The following MEIS2 variants were observed in gnomAD, a reference collection of about 807,000 sequenced individuals.
The protein encoded by MEIS2 is Meis homeobox 2.
A neutral mutation model predicts 58.6 loss-of-function variants in MEIS2; 9 were observed. The ratio of observed to expected loss-of-function variants is 0.15; its 90% CI spans 0.09 to 0.27. The LOEUF is 0.27. Ranked by LOEUF, MEIS2 falls within the 10% of genes least tolerant of loss-of-function variation. The pLI, the probability that MEIS2 is intolerant of heterozygous loss-of-function variation, is 1.00. For missense variants in MEIS2, 427 were observed against 635.0 expected, an observed-to-expected ratio of 0.67 and a Z score of 3.52; for synonymous variants, 221 against 228.4, an observed-to-expected ratio of 0.97 and a Z score of 0.29.
chr15:36,955,500 A>C (rs1037951546), intron 8 of MEIS2, among the ~76,000 whole-genome samples: 3 of 152,208 alleles, frequency 2.0e-5, no homozygotes, highest in African/African-American at 2.4e-5. Context: ...TGTTACTTTA[A>C]ACAAGACTGT....
intron 3 of MEIS2, 172 bp downstream of exon 3, chr15:37,096,117 C>A (rs1894205115): frequency 1.5e-6 from 1 of 657,260 alleles, no homozygotes; most frequent in Non-Finnish European, 2.5e-6. Context: ...ATATTTATCT[C>A]CACTTCCAAT....
intron 7 of MEIS2, 64 bp downstream of exon 7, chr15:37,083,704 TATC>T (rs1892532794): frequency 1.5e-6 from 2 of 1,310,736 alleles, no homozygotes; most frequent in Admixed American, 1.8e-5. Flanking sequence ...GATGTACTGA[TATC>T]ATAAAATACT....
At position 37,033,812 on chromosome 15, in the gene MEIS2, G is replaced by C. The variant is rs558197284; in HGVS notation, c.900+3002C>G. On this transcript the variant is annotated intron_variant, in intron 8 of 11. Coordinates refer to ENST00000561208, the MANE Select transcript of MEIS2 (RefSeq NM_170675.5). ...TCTCTATTCTTGGTTTCTGAGCTCAGAATTACAGCTGAGTAAATCTTTCAG... is the reference window on the plus strand; with the variant it reads ...TCTCTATTCTTGGTTTCTGAGCTCACAATTACAGCTGAGTAAATCTTTCAG... Among the ~76,000 whole-genome samples, 9 of 152,302 alleles carry C rather than the reference G, an allele frequency of 5.9e-5. No homozygotes were observed. In the South Asian group the frequency reaches 1.9e-3, roughly 32 times the overall value.
At chr15:36,997,517 T>C (rs976791543) in intron 8 of MEIS2, among the ~76,000 whole-genome samples, 37 of 150,742 alleles carry the variant, frequency 2.5e-4, no homozygotes, top group Admixed American at 2.1e-3. Flanking sequence ...GACAGAATCT[T>C]GCTCTGTTGC....
chr15:36,954,373 T>C (rs2058877646), intron 8 of MEIS2, among the ~76,000 whole-genome samples: 1 of 150,522 alleles, frequency 6.6e-6, no homozygotes, highest in Non-Finnish European at 1.5e-5. Context: ...TTTTTGTTTA[T>C]ATACTCCTAT....
chr15:37,049,176 C>T (rs1448867582), intron 7 of MEIS2, among the ~76,000 whole-genome samples: 3 of 152,092 alleles, frequency 2.0e-5, no homozygotes, highest in African/African-American at 7.2e-5. Flanking sequence ...CCTAGAGAAA[C>T]AAATACTGTG....
intron 1 of MEIS2, chr15:37,098,810 A>T: frequency 1.6e-6 from 1 of 642,706 alleles, no homozygotes; most frequent in Non-Finnish European, 1.9e-6. Context: ...AATAATCAGC[A>T]CGAGAACGCC....
chr15:37,051,417 T>C (rs553251133), intron 7 of MEIS2, among the ~76,000 whole-genome samples: 61 of 152,268 alleles, frequency 4.0e-4, no homozygotes, highest in Middle Eastern at 3.4e-3. Flanking sequence ...TGCAAACTTA[T>C]ACATAATGAC....
At chr15:36,914,652 C>T (rs1326683543) in intron 9 of MEIS2, among the ~76,000 whole-genome samples, 1 of 152,128 alleles carries the variant, frequency 6.6e-6, no homozygotes, top group Non-Finnish European at 1.5e-5. Flanking sequence ...GGCTTTCATC[C>T]CTGGGAGGGC....
chr15:37,047,710 C>T (rs531529860), intron 7 of MEIS2, among the ~76,000 whole-genome samples: 5 of 152,144 alleles, frequency 3.3e-5, no homozygotes. Context: ...GAGTCTCATT[C>T]TCACATCTCC....
At chr15:36,920,158 A>ATTT (rs1458575506) in intron 9 of MEIS2, among the ~76,000 whole-genome samples, 1 of 139,776 alleles carries the variant, frequency 7.2e-6, no homozygotes, top group African/African-American at 2.8e-5. Context: ...TTATTTATTT[A>ATTT]TTTTTATTTT....
At chr15:36,969,553 A>G (rs1472209442) in intron 8 of MEIS2, among the ~76,000 whole-genome samples, 1 of 152,232 alleles carries the variant, frequency 6.6e-6, no homozygotes, top group Non-Finnish European at 1.5e-5. Context: ...ACAAACTTAT[A>G]CATACATAGG....
intron 8 of MEIS2, among the ~76,000 whole-genome samples, chr15:36,954,992 G>C (rs562971017): frequency 6.6e-6 from 1 of 152,220 alleles, no homozygotes; most frequent in Admixed American, 6.5e-5. Context: ...AAAATGCATT[G>C]GGCAGATATC....
Position 36,950,407 on chromosome 15 carries a change from G to C in MEIS2, c.901-7C>G. On this transcript the variant is annotated splice_region_variant and splice_polypyrimidine_tract_variant and intron_variant, in intron 8 of 11. Coordinates refer to ENST00000561208, the MANE Select transcript of MEIS2 (RefSeq NM_170675.5). ...CTTCGGAAGGGTACGGATGCTAATG[G>C]AAAAACAAATGTTTTAAAAGATGGA... 6.2e-7 allele frequency: 1 copy of C among 1,611,354 alleles called. No homozygotes were observed. The highest frequency in any genetic ancestry group is 8.5e-7 in the Non-Finnish European group (1 of 1,178,030).
chr15:36,959,221 A>G (rs2059097622), intron 8 of MEIS2, among the ~76,000 whole-genome samples: 1 of 152,180 alleles, frequency 6.6e-6, no homozygotes, highest in South Asian at 2.1e-4. Flanking sequence ...GAACACTCTT[A>G]TGGAACATCT....
At chr15:36,942,468 T>A (rs1161034611) in intron 9 of MEIS2, among the ~76,000 whole-genome samples, 1 of 152,102 alleles carries the variant, frequency 6.6e-6, no homozygotes, top group Non-Finnish European at 1.5e-5. Context: ...ACCTAACCGA[T>A]GCTCACTCTC....
At chr15:37,026,260 T>C (rs1201755675) in intron 8 of MEIS2, among the ~76,000 whole-genome samples, 1 of 152,196 alleles carries the variant, frequency 6.6e-6, no homozygotes, top group Non-Finnish European at 1.5e-5. Flanking sequence ...TTTTTCTTTT[T>C]AAAAGACTAG....
At chr15:36,984,119 A>G (rs2060019019) in intron 8 of MEIS2, among the ~76,000 whole-genome samples, 1 of 151,756 alleles carries the variant, frequency 6.6e-6, no homozygotes, top group Non-Finnish European at 1.5e-5. Flanking sequence ...TTTCTTTTTG[A>G]TTTGAATCTC....
At chr15:36,982,126 C>T (rs919991730) in intron 8 of MEIS2, among the ~76,000 whole-genome samples, 4 of 152,144 alleles carry the variant, frequency 2.6e-5, no homozygotes, top group African/African-American at 9.7e-5. Context: ...CCAATTCACA[C>T]AATAAATTTC....
Sources: allele counts gnomAD v4.1 joint callset (sites outside exome capture counted in the v4.1 genomes callset), GRCh38; gene constraint gnomAD v4.1.1; transcripts MANE v1.5; gene names NCBI Gene and HGNC (gene_info 2026-07-23, HGNC 2026-07-21).